Variants in PTPRT observed in about 807,000 individuals in gnomAD.
PTPRT encodes receptor-type tyrosine-protein phosphatase T.
In PTPRT, 56 loss-of-function variants were observed where a neutral mutation model predicts 176.8. That is an observed-to-expected ratio of 0.32 (90% CI 0.26 to 0.40). PTPRT has a LOEUF of 0.40. PTPRT is among the 10% of genes least tolerant of loss of function. The probability of loss-of-function intolerance (pLI) is 1.00; values close to 1 mark genes in which losing one functional copy is unlikely to be tolerated. For missense variants in PTPRT, 1,540 were observed against 1,908.2 expected (o/e 0.81, Z 3.60); for synonymous variants, 783 against 739.0 (o/e 1.06, Z -0.96).
At chr20:42,897,887 G>A (rs1447701937) in intron 1 of PTPRT, among the ~76,000 whole-genome samples, 3 of 152,192 alleles carry the variant, frequency 2.0e-5, no homozygotes, top group East Asian at 1.9e-4. Flanking sequence ...CTGGCACGTA[G>A]TCAGTGCCAA....
At chr20:42,921,675 C>G (rs8121056) in intron 1 of PTPRT, among the ~76,000 whole-genome samples, 5,350 of 152,252 alleles carry the variant, frequency 0.035, 227 homozygotes, top group African/African-American at 0.099. Context: ...TGCCTCAGAA[C>G]GAGACAAAAG....
intron 1 of PTPRT, among the ~76,000 whole-genome samples, chr20:42,940,876 T>G (rs773017048): frequency 2.6e-5 from 4 of 151,820 alleles, no homozygotes; most frequent in Non-Finnish European, 1.5e-5. Flanking sequence ...GGTCAGGAGT[T>G]CAAAACCAGC....
intron 11 of PTPRT, among the ~76,000 whole-genome samples, chr20:42,348,879 C>T (rs1458306439): frequency 2.0e-5 from 3 of 152,172 alleles, no homozygotes; most frequent in African/African-American, 7.2e-5. Flanking sequence ...AAACTTTCAT[C>T]CCCTTATCCC....
intron 1 of PTPRT, among the ~76,000 whole-genome samples, chr20:42,900,650 G>T (rs115732780): frequency 0.019 from 2,899 of 152,304 alleles, 105 homozygotes; most frequent in African/African-American, 0.066. Flanking sequence ...CTTCATCCAT[G>T]AAATGTGGAT....
intron 6 of PTPRT, among the ~76,000 whole-genome samples, chr20:42,731,199 C>G (rs1196365897): frequency 6.6e-6 from 1 of 152,198 alleles, no homozygotes; most frequent in Admixed American, 6.5e-5. Context: ...CACGAGCCAG[C>G]TGCAAGATTT....
At chr20:43,108,517 C>T (rs1471130092) in intron 1 of PTPRT, among the ~76,000 whole-genome samples, 3 of 151,896 alleles carry the variant, frequency 2.0e-5, no homozygotes, top group African/African-American at 4.8e-5. Context: ...ATGTTTTGGG[C>T]GATTTGTTAT....
chr20:42,922,031 G>T (rs1014631981), intron 1 of PTPRT, among the ~76,000 whole-genome samples: 2 of 152,174 alleles, frequency 1.3e-5, no homozygotes, highest in East Asian at 1.9e-4. Flanking sequence ...TGCCTCCCGG[G>T]TTCAAGCAAT....
chr20:43,009,578 G>T (rs1317963654), intron 1 of PTPRT, among the ~76,000 whole-genome samples: 1 of 152,208 alleles, frequency 6.6e-6, no homozygotes, highest in Non-Finnish European at 1.5e-5. Flanking sequence ...GGTGTAAGAT[G>T]AACTTCAGGC....
intron 7 of PTPRT, among the ~76,000 whole-genome samples, chr20:42,483,491 A>G (rs978631147): frequency 1.3e-5 from 2 of 152,126 alleles, no homozygotes; most frequent in Non-Finnish European, 2.9e-5. Context: ...GCCTTCCTTT[A>G]AACATTAGTT....
intron 1 of PTPRT, among the ~76,000 whole-genome samples, chr20:43,182,806 T>C (rs1245244602): frequency 6.6e-6 from 1 of 151,992 alleles, no homozygotes; most frequent in Non-Finnish European, 1.5e-5. Flanking sequence ...CTGAGCTGTT[T>C]TCTCCTCTGT....
At chr20:43,017,775 G>A (rs886373025) in intron 1 of PTPRT, among the ~76,000 whole-genome samples, 8 of 152,214 alleles carry the variant, frequency 5.3e-5, no homozygotes, top group Admixed American at 5.2e-4. Flanking sequence ...TAGATGCCCT[G>A]TGTCCCAGAG....
chr20:42,166,056 T>C (rs6130068), intron 16 of PTPRT, among the ~76,000 whole-genome samples: 46,850 of 152,148 alleles, frequency 0.31, 8,317 homozygotes, highest in East Asian at 0.38. Flanking sequence ...AAATCCAACG[T>C]GTATTTTACA....
chr20:42,347,380 C>G (rs1357499092), intron 11 of PTPRT, among the ~76,000 whole-genome samples: 1 of 152,206 alleles, frequency 6.6e-6, no homozygotes, highest in East Asian at 1.9e-4. Flanking sequence ...CTGCACACTG[C>G]TCTGCTTTCC....
intron 2 of PTPRT, among the ~76,000 whole-genome samples, chr20:42,835,574 T>C (rs1239638302): frequency 1.3e-5 from 2 of 152,176 alleles, no homozygotes; most frequent in Non-Finnish European, 2.9e-5. Flanking sequence ...GGGGAAGGGC[T>C]ACTGCTGTTC....
intron 7 of PTPRT, among the ~76,000 whole-genome samples, chr20:42,591,083 C>A: frequency 6.6e-6 from 1 of 150,854 alleles, no homozygotes; most frequent in South Asian, 2.1e-4. Flanking sequence ...AAAAGAAATC[C>A]CAATCCACTG....
intron 7 of PTPRT, among the ~76,000 whole-genome samples, chr20:42,660,211 T>C (rs2075199052): frequency 6.6e-6 from 1 of 152,132 alleles, no homozygotes; most frequent in East Asian, 1.9e-4. Flanking sequence ...TAACAGGGTG[T>C]CTGCTCCACC....
chr20:42,186,151 G>T (rs542432311), intron 16 of PTPRT, among the ~76,000 whole-genome samples: 2 of 152,188 alleles, frequency 1.3e-5, no homozygotes, highest in African/African-American at 4.8e-5. Flanking sequence ...CAGTGATCTA[G>T]ATGAGGAGTT....
chr20:42,197,162 G>A lies in PTPRT; in HGVS notation c.2491+2078C>T, dbSNP rs574874010. Among the ~76,000 whole-genome samples, 5 of 152,062 alleles carry A rather than the reference G, an allele frequency of 3.3e-5. No individual in the cohort carries two copies. In the South Asian group the frequency reaches 6.2e-4, roughly 19 times the overall value. On this transcript the variant is annotated intron_variant, in intron 16 of 30. Coordinates refer to ENST00000373187, the MANE Select transcript of PTPRT (RefSeq NM_007050.6). ...TGGGAGGCCGAGGCGGGCGGATTAC[G>A]AGGTCAGGAGATCGAGACCATCCTG...
chr20:42,815,133 T>C (rs1477828100), intron 2 of PTPRT, among the ~76,000 whole-genome samples: 1 of 152,194 alleles, frequency 6.6e-6, no homozygotes, highest in Non-Finnish European at 1.5e-5. Flanking sequence ...CACTGATGTT[T>C]TTGTAGTAGG....
Sources: allele counts gnomAD v4.1 joint callset (sites outside exome capture counted in the v4.1 genomes callset), GRCh38; gene constraint gnomAD v4.1.1; transcripts MANE v1.5; gene names NCBI Gene and HGNC (gene_info 2026-07-23, HGNC 2026-07-21).